The following SKI variants were observed in gnomAD, a reference collection of about 807,000 sequenced individuals.
The protein encoded by SKI is ski oncogene.
A neutral mutation model predicts 59.3 loss-of-function variants in SKI; 23 were observed. The observed-to-expected ratio is 0.39, with a 90% CI of 0.28 to 0.55. SKI has a LOEUF of 0.55. SKI is among the 20% of genes least tolerant of loss of function. SKI has a pLI of 0.67. For missense variants in SKI, 1,017 were observed against 1,038.9 expected (o/e 0.98, Z 0.29); for synonymous variants, 673 against 488.6 (o/e 1.38, Z -4.98).
chr1:2,261,453 A>C (rs887279615), intron 1 of SKI, among the ~76,000 whole-genome samples: 1 of 152,216 alleles, frequency 6.6e-6, no homozygotes, highest in Non-Finnish European at 1.5e-5. Flanking sequence ...TGTAATTTTT[A>C]GTGCACAGGT....
chr1:2,275,272 C>T lies in SKI; in HGVS notation c.970-27706C>T, dbSNP rs183773309. On this transcript the variant is annotated intron_variant, in intron 1 of 6. Transcript: ENST00000378536. Reference sequence around the variant, plus strand: ...TGGCCGGCCCACGGCTCCGCTCAGGCGCCACGGCGGCTCCTTTCTGTTTCT... The same window carrying T: ...TGGCCGGCCCACGGCTCCGCTCAGGTGCCACGGCGGCTCCTTTCTGTTTCT... 6.4e-3 allele frequency among the ~76,000 whole-genome samples: 977 copies of T among 152,338 alleles called. 5 individuals are homozygous for T. Among genetic ancestry groups the T allele is most frequent in the Non-Finnish European group, 0.011 (729 of 68,034 alleles).
rs530491488 is a variant in SKI at position 2,229,641 on chromosome 1, C to G, written c.875C>G (p.Thr292Arg). Residue 292 changes from threonine to arginine, a missense_variant, in exon 1 of 7, where the codon ACG becomes AGG. Transcript: ENST00000378536. This position sits in a 1 kb window ranked among gnomAD's most constrained non-coding sequence, Gnocchi z 6.3. ...RAYILLSQDY[T>R]GKEEQARLGR... ...TACATCCTGCTGAGCCAGGATTACA[C>G]GGGCAAGGAGGAGCAGGCGCGCCTC... 6.2e-7 allele frequency: 1 copy of G among 1,612,260 alleles called. No homozygotes were observed. The highest frequency in any genetic ancestry group is 1.3e-5 in the African/African-American group (1 of 75,046).
chr1:2,256,105 G>A (rs1358045668), intron 1 of SKI, among the ~76,000 whole-genome samples: 2 of 147,300 alleles, frequency 1.4e-5, no homozygotes, highest in African/African-American at 2.5e-5. Flanking sequence ...TTTCCTGTCT[G>A]TGCCACTCTT....
intron 1 of SKI, among the ~76,000 whole-genome samples, chr1:2,235,973 C>T (rs898898434): frequency 2.0e-5 from 3 of 152,166 alleles, no homozygotes; most frequent in East Asian, 1.9e-4. Flanking sequence ...AGAGGCGTCT[C>T]GGCGTGATCC....
intron 1 of SKI, among the ~76,000 whole-genome samples, chr1:2,298,520 C>T (rs4648824): frequency 6.6e-6 from 1 of 152,214 alleles, no homozygotes; most frequent in African/African-American, 2.4e-5. Flanking sequence ...CTCCCTGAGG[C>T]AGCATGAGCA....
At chr1:2,304,225 C>T (rs540968178) in intron 4 of SKI, 68 bp from the exon 5 acceptor site, 38 of 1,554,298 alleles carry the variant, frequency 2.4e-5, no homozygotes, top group Admixed American at 5.9e-5. Context: ...CCGGGAGCGG[C>T]GCGTCTCCCT....
intron 1 of SKI, among the ~76,000 whole-genome samples, chr1:2,237,624 T>C (rs1638779914): frequency 6.6e-6 from 1 of 152,242 alleles, no homozygotes; most frequent in South Asian, 2.1e-4. Context: ...CAGAGTCTGA[T>C]GCAGGCTTTC....
rs990084481 is a variant in SKI at position 2,267,394 on chromosome 1, T to C, written c.970-35584T>C. On this transcript the variant is annotated intron_variant, in intron 1 of 6. Transcript: ENST00000378536. The surrounding 1 kb of genome is among the most constrained non-coding windows in gnomAD (Gnocchi z 4.1). The stretch of plus-strand genomic sequence containing the variant: ...CTGTGAGGAGCAAGGAAGGGGTGTG[T>C]TGACAGGGCCGTTCGGGCCGGAGCA... Among the ~76,000 whole-genome samples, 3 of 152,144 alleles carry C rather than the reference T, an allele frequency of 2.0e-5. No individual in the cohort carries two copies. Among genetic ancestry groups the C allele is most frequent in the Admixed American group, 6.5e-5 (1 of 15,282 alleles).
chr1:2,233,067 C>T (rs1354359711), intron 1 of SKI, among the ~76,000 whole-genome samples: 1 of 152,184 alleles, frequency 6.6e-6, no homozygotes, highest in African/African-American at 2.4e-5. Flanking sequence ...TGCCGCTTGG[C>T]CTGCTGCCTG....
chr1:2,229,680 A>T lies in SKI; in HGVS notation c.914A>T (p.Asp305Val). The T allele has an allele frequency of 6.2e-7, 1 of 1,605,238 alleles. No homozygotes were observed. Among genetic ancestry groups the T allele is most frequent in the Non-Finnish European group, 8.5e-7 (1 of 1,176,622 alleles). The change falls in exon 1 of 7, where the codon GAC becomes GTC. Residue 305 changes from aspartate to valine, a missense_variant. Transcript: ENST00000378536. The surrounding 1 kb of genome is among the most constrained non-coding windows in gnomAD (Gnocchi z 6.3). ...EEQARLGRCLDDVKEKFDYGN... is the reference protein window; with the variant it reads ...EEQARLGRCLVDVKEKFDYGN... ...CAGGCGCGCCTCGGCCGCTGCCTGG[A>T]CGACGTGAAGGAGAAATTCGACTAT...
intron 1 of SKI, among the ~76,000 whole-genome samples, chr1:2,298,572 T>G (rs1422148509): frequency 6.6e-6 from 1 of 152,152 alleles, no homozygotes; most frequent in Non-Finnish European, 1.5e-5. Flanking sequence ...CCTTGTATCC[T>G]TTGGCCCTAA....
At chr1:2,272,044 G>T (rs1639634100) in intron 1 of SKI, among the ~76,000 whole-genome samples, 1 of 152,166 alleles carries the variant, frequency 6.6e-6, no homozygotes, top group Non-Finnish European at 1.5e-5. Context: ...GGAGGGGCTT[G>T]GGGGCCCCTG....
intron 1 of SKI, among the ~76,000 whole-genome samples, chr1:2,302,070 C>T (rs1032566562): frequency 1.3e-5 from 2 of 152,236 alleles, no homozygotes; most frequent in African/African-American, 4.8e-5. Context: ...TGGGAGTTCA[C>T]GTTTGCCTGA....
chr1:2,302,354 T>C (rs1640444927), intron 1 of SKI, among the ~76,000 whole-genome samples: 2 of 152,150 alleles, frequency 1.3e-5, no homozygotes, highest in African/African-American at 4.8e-5. Context: ...GGGGATGGTG[T>C]CCTTCATTTT....
chr1:2,229,660 G>A lies in SKI; in HGVS notation c.894G>A (p.Ala298=). The part of the protein sequence containing the change: ...SQDYTGKEEQ[A]RLGRCLDDVK... ...ATTACACGGGCAAGGAGGAGCAGGCGCGCCTCGGCCGCTGCCTGGACGACG... is the reference window on the plus strand; with the variant it reads ...ATTACACGGGCAAGGAGGAGCAGGCACGCCTCGGCCGCTGCCTGGACGACG... Residue 298 remains alanine (A), a synonymous_variant, in exon 1 of 7, where the codon GCG becomes GCA. Coordinates refer to ENST00000378536, the MANE Select transcript of SKI (RefSeq NM_003036.4). The surrounding 1 kb of genome is among the most constrained non-coding windows in gnomAD (Gnocchi z 6.3). 6.2e-7 allele frequency: 1 copy of A among 1,611,074 alleles called. No individual in the cohort carries two copies.
chr1:2,273,463 G>A (rs1044810862), intron 1 of SKI, among the ~76,000 whole-genome samples: 2 of 152,160 alleles, frequency 1.3e-5, no homozygotes, highest in African/African-American at 4.8e-5. Flanking sequence ...AGGGCAGGAC[G>A]GGGTGGCTGC....
chr1:2,246,825 C>A (rs1049001924), intron 1 of SKI, among the ~76,000 whole-genome samples: 1 of 150,604 alleles, frequency 6.6e-6, no homozygotes, highest in Admixed American at 6.7e-5. Flanking sequence ...GTGTGCCTGG[C>A]CTGTAGCAGC....
Position 2,269,452 on chromosome 1 carries a change from G to A in SKI, c.970-33526G>A, listed in dbSNP as rs372505192. ...GACACTGCGGGACACGTTCCCCAACGTGGGATGTCCGTCCTCAGCAGTCTG... is the reference window on the plus strand; with the variant it reads ...GACACTGCGGGACACGTTCCCCAACATGGGATGTCCGTCCTCAGCAGTCTG... On this transcript the variant is annotated intron_variant, in intron 1 of 6. Transcript: ENST00000378536. The surrounding 1 kb of genome is among the most constrained non-coding windows in gnomAD (Gnocchi z 4.7). Among the ~76,000 whole-genome samples the A allele has an allele frequency of 2.6e-5, 4 of 152,258 alleles. No homozygotes were observed. The highest frequency in any genetic ancestry group is 1.9e-4 in the East Asian group (1 of 5,206).
intron 1 of SKI, among the ~76,000 whole-genome samples, chr1:2,286,616 A>C (rs1640044538): frequency 1.3e-5 from 2 of 152,210 alleles, no homozygotes; most frequent in Admixed American, 1.3e-4. Flanking sequence ...TATTCTTACC[A>C]CATCAGGGCA....
Sources: allele counts gnomAD v4.1 joint callset (sites outside exome capture counted in the v4.1 genomes callset), GRCh38; gene constraint gnomAD v4.1.1; non-coding constraint Gnocchi (gnomAD v3.1); transcripts MANE v1.5; gene names NCBI Gene and HGNC (gene_info 2026-07-23, HGNC 2026-07-21).